The following RGS5 variants were observed in gnomAD, a reference collection of about 807,000 sequenced individuals.
The protein encoded by RGS5 is regulator of G protein signaling 5, also known as regulator of G-protein signalling 5.
In RGS5, 20 loss-of-function variants were observed where a neutral mutation model predicts 18.9. That is an observed-to-expected ratio of 1.06 (90% CI 0.74 to 1.54). RGS5 has a LOEUF of 1.54. Among genes scored for constraint, RGS5 ranks in the 40% most tolerant of loss-of-function variants. RGS5 has a pLI of 0.00. For missense variants in RGS5, 201 were observed against 211.8 expected (o/e 0.95, Z 0.32); for synonymous variants, 57 against 76.2 (o/e 0.75, Z 1.31).
upstream of RGS5, chr1:163,206,982 G>A (rs1377247977): frequency 6.6e-6 from 1 of 151,956 alleles, no homozygotes; most frequent in Non-Finnish European, 1.5e-5. Flanking sequence ...TTTGTTTTTA[G>A]ATTATAATGA....
intron 4 of RGS5, among the ~76,000 whole-genome samples, chr1:163,151,688 G>C (rs1657379459): frequency 6.6e-6 from 1 of 152,150 alleles, no homozygotes; most frequent in Admixed American, 6.5e-5. Flanking sequence ...GGTGCCTTCT[G>C]TCTGGATTGT....
At position 163,291,549 on chromosome 1, in the gene RGS5, T is replaced by C. The variant is rs185252085; in HGVS notation, c.-281+14684A>G. ...GTCACAAGATATGCAACTTCCCCAA[T>C]TACTTCAGCAGGTAACATCACTATT... On this transcript the variant is annotated intron_variant, in intron 2 of 5. Coordinates refer to the RGS5 transcript ENST00000618415. Among the ~76,000 whole-genome samples the C allele has an allele frequency of 4.3e-3, 656 of 152,300 alleles. 2 individuals carry two copies. Among genetic ancestry groups the C allele is most frequent in the Non-Finnish European group, 7.5e-3 (510 of 68,026 alleles).
At chr1:163,318,072 C>T (rs903670639) in intron 1 of RGS5, among the ~76,000 whole-genome samples, 2 of 152,058 alleles carry the variant, frequency 1.3e-5, no homozygotes, top group African/African-American at 2.4e-5. Flanking sequence ...AGGCTTCTTG[C>T]AAGAGCCCTA....
intron 1 of RGS5, among the ~76,000 whole-genome samples, chr1:163,180,779 G>C (rs368703759): frequency 3.6e-5 from 5 of 137,582 alleles, no homozygotes; most frequent in Non-Finnish European, 7.6e-5. Flanking sequence ...ACTGCAAGCT[G>C]CGCCTCCCGG....
At chr1:163,176,127 T>C (rs925783733) in intron 1 of RGS5, among the ~76,000 whole-genome samples, 12 of 152,210 alleles carry the variant, frequency 7.9e-5, no homozygotes, top group Admixed American at 3.3e-4. Flanking sequence ...TCTTGATATG[T>C]TCTAACGTTT....
intron 2 of RGS5, among the ~76,000 whole-genome samples, chr1:163,269,930 ATAAACT>A (rs1231356982): frequency 1.1e-4 from 16 of 152,192 alleles, no homozygotes; most frequent in African/African-American, 3.6e-4. Context: ...AAAGGCAGAC[ATAAACT>A]TAAACATAGC....
At chr1:163,147,530 C>A in intron 4 of RGS5, 27 bp from the exon 5 acceptor site, 2 of 1,522,634 alleles carry the variant, frequency 1.3e-6, no homozygotes, top group Non-Finnish European at 1.8e-6. Flanking sequence ...AGGGTCACTA[C>A]ATAAGCCTAA....
At chr1:163,310,467 C>T (rs962939448) in intron 1 of RGS5, among the ~76,000 whole-genome samples, 1 of 149,480 alleles carries the variant, frequency 6.7e-6, no homozygotes, top group Non-Finnish European at 1.5e-5. Flanking sequence ...CCCAGCTATT[C>T]GGGAGGCTGA....
At chr1:163,290,323 T>C (rs1161542881) in intron 2 of RGS5, among the ~76,000 whole-genome samples, 1 of 152,210 alleles carries the variant, frequency 6.6e-6, no homozygotes, top group African/African-American at 2.4e-5. Context: ...CGTCCTCGAT[T>C]TCCTTGGTGT....
At chr1:163,268,434 T>C (rs149334454) in intron 2 of RGS5, among the ~76,000 whole-genome samples, 1 of 152,262 alleles carries the variant, frequency 6.6e-6, no homozygotes, top group East Asian at 1.9e-4. Flanking sequence ...TTATTTTCTG[T>C]ATTCTTGATG....
At chr1:163,281,287 T>A (rs1318736886) in intron 2 of RGS5, among the ~76,000 whole-genome samples, 2 of 152,130 alleles carry the variant, frequency 1.3e-5, no homozygotes, top group East Asian at 3.8e-4. Flanking sequence ...GAAAATGGAC[T>A]AATACATTGG....
intron 2 of RGS5, among the ~76,000 whole-genome samples, chr1:163,250,566 A>C (rs1361256179): frequency 6.6e-6 from 1 of 152,200 alleles, no homozygotes; most frequent in African/African-American, 2.4e-5. Context: ...GGAATGGAGA[A>C]AGTCTTATAT....
intron 2 of RGS5, among the ~76,000 whole-genome samples, chr1:163,250,363 A>G (rs1256806407): frequency 6.6e-6 from 1 of 152,242 alleles, no homozygotes; most frequent in African/African-American, 2.4e-5. Context: ...TTAACCATCA[A>G]TATATCTTGA....
chr1:163,180,534 C>T (rs550733262), intron 1 of RGS5, among the ~76,000 whole-genome samples: 1 of 152,132 alleles, frequency 6.6e-6, no homozygotes, highest in South Asian at 2.1e-4. Flanking sequence ...GAGAGCTGGG[C>T]TCCACCCCAA....
At chr1:163,152,797 G>C in intron 3 of RGS5, 81 bp from the exon 4 acceptor site, 1 of 1,313,526 alleles carries the variant, frequency 7.6e-7, no homozygotes, top group Non-Finnish European at 1.0e-6. Flanking sequence ...AAGGGAAAGG[G>C]CTTAGCAATA....
intron 1 of RGS5, among the ~76,000 whole-genome samples, chr1:163,200,722 G>C (rs548695521): frequency 8.5e-5 from 13 of 152,090 alleles, no homozygotes; most frequent in Admixed American, 2.6e-4. Context: ...CACAATAATT[G>C]CGTATTCTAC....
intron 1 of RGS5, among the ~76,000 whole-genome samples, chr1:163,188,951 C>CAAAAAA (rs34767004): frequency 3.6e-4 from 28 of 77,640 alleles, no homozygotes; most frequent in African/African-American, 1.3e-3. Context: ...GACCCCATCT[C>CAAAAAA]AAAAAAAAAA....
upstream of RGS5, chr1:163,203,018 C>T: frequency 3.5e-6 from 2 of 574,386 alleles, no homozygotes; most frequent in South Asian, 4.3e-5. Flanking sequence ...GGCTGGAGAG[C>T]AGCAGCAGTG....
At chr1:163,165,381 C>G (rs1007420328) in intron 2 of RGS5, among the ~76,000 whole-genome samples, 5 of 152,170 alleles carry the variant, frequency 3.3e-5, no homozygotes, top group African/African-American at 1.2e-4. Context: ...ATATGAATAT[C>G]TATATCAGCT....
Sources: allele counts gnomAD v4.1 joint callset (sites outside exome capture counted in the v4.1 genomes callset), GRCh38; gene constraint gnomAD v4.1.1; transcripts MANE v1.5; gene names NCBI Gene and HGNC (gene_info 2026-07-23, HGNC 2026-07-21).